ZHX3: variants seen among roughly 807,000 people sequenced by gnomAD.
ZHX3 encodes zinc fingers and homeoboxes protein 3.
ZHX3 carries 20 observed loss-of-function variants against 64.5 expected under a neutral mutation model. That is an observed-to-expected ratio of 0.31 (90% CI 0.22 to 0.45). The LOEUF is 0.45. Among genes scored for constraint, ZHX3 ranks in the 20% least tolerant of loss-of-function variants. The pLI is 1.00. For synonymous variants in ZHX3, 423 were observed against 461.6 expected, an observed-to-expected ratio of 0.92 and a Z score of 1.07; for missense variants, 1,041 against 1,195.8, an observed-to-expected ratio of 0.87 and a Z score of 1.91.
intron 2 of ZHX3, among the ~76,000 whole-genome samples, chr20:41,258,334 C>T (rs969629630): frequency 6.6e-6 from 1 of 152,126 alleles, no homozygotes; most frequent in East Asian, 1.9e-4. Flanking sequence ...GTATATTTAC[C>T]AGAACCAGAA....
At chr20:41,241,232 TG>T (rs2041359834) in intron 2 of ZHX3, among the ~76,000 whole-genome samples, 1 of 152,202 alleles carries the variant, frequency 6.6e-6, no homozygotes, top group African/African-American at 2.4e-5. Context: ...GATATGTCCT[TG>T]TAGTTTTGAT....
In ZHX3 at chr20:41,184,706, TG is replaced by T; in HGVS notation, c.*484del. The T allele has an allele frequency of 1.6e-6, 1 of 613,142 alleles. No homozygotes were observed. Among genetic ancestry groups the T allele is most frequent in the South Asian group, 2.1e-5 (1 of 47,994 alleles). 38.0% of individuals were successfully genotyped at this position (613,142 alleles called of 1,614,324 possible). A position where few individuals can be genotyped will look rare whatever the true frequency, so the allele number is the denominator to read the frequency against. Reference sequence around the variant, plus strand: ...TGTGCCTATAACTTCCCTGCCTGACTGTGGAAGGTGAGGGGCACCTGTGACC... The same window carrying T: ...TGTGCCTATAACTTCCCTGCCTGACTTGGAAGGTGAGGGGCACCTGTGACC... On this transcript the variant is annotated 3_prime_UTR_variant, in exon 4 of 4. Coordinates refer to ENST00000683867, the MANE Select transcript of ZHX3 (RefSeq NM_001384317.1).
chr20:41,209,264 C>T (rs2038971556), intron 2 of ZHX3, among the ~76,000 whole-genome samples: 1 of 152,086 alleles, frequency 6.6e-6, no homozygotes, highest in Non-Finnish European at 1.5e-5. Flanking sequence ...GCCATACTGC[C>T]CAAGGTAATT....
Position 41,184,325 on chromosome 20 carries a change from A to G in ZHX3, c.*866T>C, listed in dbSNP as rs1206855493. 2.0e-5 allele frequency: 3 copies of G among 151,824 alleles called. No individual in the cohort carries two copies. The highest frequency in any genetic ancestry group is 2.9e-5 in the Non-Finnish European group (2 of 67,930). 9.4% of individuals were successfully genotyped at this position (151,824 alleles called of 1,614,324 possible). A position where few individuals can be genotyped will look rare whatever the true frequency, so the allele number is the denominator to read the frequency against. Reference sequence around the variant, plus strand: ...TTTCCATCTTTCTCTCACTCCAAACATGTCTAGATTAAAAAAAAAATGCAG... The same window carrying G: ...TTTCCATCTTTCTCTCACTCCAAACGTGTCTAGATTAAAAAAAAAATGCAG... On this transcript the variant is annotated 3_prime_UTR_variant, in exon 4 of 4. Transcript: ENST00000683867.
intron 1 of ZHX3, among the ~76,000 whole-genome samples, chr20:41,278,464 T>C (rs1207466537): frequency 7.1e-6 from 1 of 141,308 alleles, no homozygotes; most frequent in East Asian, 2.1e-4. Flanking sequence ...CATACTGGGA[T>C]CATACTGCAC....
At chr20:41,262,559 C>A (rs1568914496) in intron 2 of ZHX3, among the ~76,000 whole-genome samples, 2 of 152,214 alleles carry the variant, frequency 1.3e-5, no homozygotes, top group African/African-American at 4.8e-5. Flanking sequence ...CTTTCTCTCT[C>A]TCTCTGTATC....
chr20:41,222,198 G>T (rs1419500680), intron 2 of ZHX3, among the ~76,000 whole-genome samples: 1 of 152,206 alleles, frequency 6.6e-6, no homozygotes, highest in Non-Finnish European at 1.5e-5. Context: ...CTGGATTCTG[G>T]ATATGTTTTG....
At chr20:41,272,399 C>G (rs753984752) in intron 1 of ZHX3, 3 of 152,242 alleles carry the variant, frequency 2.0e-5, no homozygotes, top group Middle Eastern at 6.8e-3. Flanking sequence ...TTTAAATGTA[C>G]AATTCAGTGG....
chr20:41,237,548 G>A (rs2041093231), intron 2 of ZHX3, among the ~76,000 whole-genome samples: 1 of 152,180 alleles, frequency 6.6e-6, no homozygotes, highest in South Asian at 2.1e-4. Flanking sequence ...TCACTCATAG[G>A]TGGGAATTGA....
At chr20:41,264,385 CAAAAAA>C (rs1165922837) in intron 2 of ZHX3, among the ~76,000 whole-genome samples, 25 of 74,502 alleles carry the variant, frequency 3.4e-4, no homozygotes, top group Admixed American at 6.5e-4. Flanking sequence ...ACCAAAAATA[CAAAAAA>C]AAAAAAAAAA....
rs768453467 is a variant in ZHX3 at position 41,224,792 on chromosome 20, G to C, written c.-150-19726C>G. ...TTTGAAATCTACCTTCTTAAGAAAG[G>C]AATGTTAGACTTTCTCTGAACATCC... On this transcript the variant is annotated intron_variant, in intron 2 of 3. Coordinates refer to ENST00000683867, the MANE Select transcript of ZHX3 (RefSeq NM_001384317.1). This position sits in a 1 kb window ranked among gnomAD's most constrained non-coding sequence, Gnocchi z 5.2. Among the ~76,000 whole-genome samples the C allele has an allele frequency of 2.1e-4, 32 of 152,226 alleles. No individual in the cohort carries two copies. Among genetic ancestry groups the C allele is most frequent in the Admixed American group, 5.2e-4 (8 of 15,290 alleles).
chr20:41,293,170 AGAT>A (rs1455247963), intron 1 of ZHX3, among the ~76,000 whole-genome samples: 1 of 152,248 alleles, frequency 6.6e-6, no homozygotes, highest in Non-Finnish European at 1.5e-5. Flanking sequence ...GCTACTCAAA[AGAT>A]GATCAGGGAG....
intron 1 of ZHX3, among the ~76,000 whole-genome samples, chr20:41,306,615 TTGG>T (rs1224932201): frequency 1.3e-5 from 2 of 152,214 alleles, no homozygotes; most frequent in African/African-American, 4.8e-5. Flanking sequence ...AGTATGTTAT[TTGG>T]TGAATTACTG....
intron 3 of ZHX3, chr20:41,196,630 G>A (rs73123208): frequency 1.8e-5 from 2 of 114,006 alleles, no homozygotes; most frequent in East Asian, 2.2e-4. Context: ...CTTGTCTCTT[G>A]TAACCTTTCT....
intron 1 of ZHX3, among the ~76,000 whole-genome samples, chr20:41,275,539 T>C (rs1366902700): frequency 1.3e-5 from 2 of 152,148 alleles, no homozygotes; most frequent in Non-Finnish European, 2.9e-5. Flanking sequence ...TGACGAGAAC[T>C]GGGTTAGGAT....
intron 1 of ZHX3, among the ~76,000 whole-genome samples, chr20:41,286,294 C>A (rs1347439824): frequency 8.5e-5 from 13 of 152,158 alleles, no homozygotes. Context: ...GAATGATAAA[C>A]TTCAGTCTTT....
chr20:41,315,070 CA>C lies in ZHX3; in HGVS notation c.-245+2438del, dbSNP rs199598935. 1.8e-4 allele frequency among the ~76,000 whole-genome samples: 27 copies of C among 152,294 alleles called. No homozygotes were observed. In the East Asian group the frequency reaches 5.2e-3, roughly 29 times the overall value. On this transcript the variant is annotated intron_variant, in intron 1 of 3. Transcript: ENST00000683867. ...ATTTGATAATGCAGTCAAGCAAAGC[CA>C]GACAACCTAACTTTTGAGCAGAGAC... is the stretch of plus-strand genomic sequence containing the variant.
chr20:41,187,863 G>A (rs183962149), intron 3 of ZHX3, among the ~76,000 whole-genome samples: 5 of 152,146 alleles, frequency 3.3e-5, no homozygotes, highest in South Asian at 2.1e-4. Flanking sequence ...TAATGATCAA[G>A]TCAGCATATT....
rs191582931 is a variant in ZHX3 at position 41,309,440 on chromosome 20, C to T, written c.-245+8069G>A. Among the ~76,000 whole-genome samples the T allele has an allele frequency of 3.9e-5, 6 of 152,238 alleles. No individual in the cohort carries two copies. In the East Asian group the frequency reaches 7.7e-4, roughly 20 times the overall value. Reference sequence around the variant, plus strand: ...ACTAAAGACTGTAGTTCAGTGGGCCCGGGATAGAGCCTGGAATCTGTTTTT... The same window carrying T: ...ACTAAAGACTGTAGTTCAGTGGGCCTGGGATAGAGCCTGGAATCTGTTTTT... On this transcript the variant is annotated intron_variant, in intron 1 of 3. Coordinates refer to ENST00000683867, the MANE Select transcript of ZHX3 (RefSeq NM_001384317.1).
Sources: allele counts gnomAD v4.1 joint callset (sites outside exome capture counted in the v4.1 genomes callset), GRCh38; gene constraint gnomAD v4.1.1; non-coding constraint Gnocchi (gnomAD v3.1); transcripts MANE v1.5; gene names NCBI Gene and HGNC (gene_info 2026-07-23, HGNC 2026-07-21).